CLEC20A: variants seen among roughly 807,000 people sequenced by gnomAD.
CLEC20A encodes the protein C-type lectin domain containing 20A, also known as putative C-type lectin domain family 20 member A.
At chr1:178,490,163 T>A in exon 4 of CLEC20A, 1 of 398,686 alleles carries the variant, frequency 2.5e-6, no homozygotes. Flanking sequence ...CTGTGCACAG[T>A]CCTCTCACCA....
At chr1:178,494,717 G>A in exon 2 of CLEC20A, 1 of 399,274 alleles carries the variant, frequency 2.5e-6, no homozygotes, top group South Asian at 1.3e-4. Flanking sequence ...AGCGAGGTCT[G>A]TGTAGTGCAG....
intron 5 of CLEC20A, chr1:178,486,322 C>A: frequency 2.5e-6 from 1 of 397,812 alleles, no homozygotes; most frequent in African/African-American, 2.1e-5. Context: ...AACTCCCTGG[C>A]CTGCACCCTA....
At chr1:178,496,732 A>T (rs1649403309) in intron 1 of CLEC20A, 168 bp downstream of exon 1, 1 of 397,644 alleles carries the variant, frequency 2.5e-6, no homozygotes, top group African/African-American at 2.1e-5. Context: ...ATGAGGGCGA[A>T]GCTCCCTTCC....
chr1:178,491,088 C>T (rs1263507215), intron 3 of CLEC20A, among the ~76,000 whole-genome samples: 1 of 152,156 alleles, frequency 6.6e-6, no homozygotes, highest in Non-Finnish European at 1.5e-5. Flanking sequence ...CTGGGGAGCC[C>T]AGACAGACTG....
At chr1:178,485,694 C>A (rs1649116532) in intron 5 of CLEC20A, among the ~76,000 whole-genome samples, 1 of 152,178 alleles carries the variant, frequency 6.6e-6, no homozygotes, top group African/African-American at 2.4e-5. Flanking sequence ...ATCTTGGTAT[C>A]CACAGTTCAA....
intron 5 of CLEC20A, among the ~76,000 whole-genome samples, chr1:178,484,913 CCA>C (rs59591455): frequency 0.036 from 5,408 of 152,220 alleles, 328 homozygotes; most frequent in African/African-American, 0.12. Flanking sequence ...TATTCTTTCC[CCA>C]CACACACGTT....
In CLEC20A at chr1:178,488,973, G is replaced by C. The variant is rs139992298; in HGVS notation, c.830-374C>G. The stretch of plus-strand genomic sequence containing the variant: ...CGGGTAAGGGGTTTCTTTGAGGTGG[G>C]GGGGGCGGTGATGAAAATGTCCTAA... On this transcript the variant is annotated intron_variant, in intron 4 of 7. Coordinates refer to ENST00000623247, the Ensembl canonical transcript of CLEC20A. Among the ~76,000 whole-genome samples the C allele has an allele frequency of 7.2e-5, 11 of 152,312 alleles. No individual in the cohort carries two copies. The East Asian group carries it at 1.7e-3, about 24-fold the overall frequency.
intron 1 of CLEC20A, among the ~76,000 whole-genome samples, chr1:178,495,053 C>T (rs1270206659): frequency 6.6e-6 from 1 of 152,242 alleles, no homozygotes; most frequent in Non-Finnish European, 1.5e-5. Flanking sequence ...CTCCCATTCC[C>T]TCATCTCCCC....
chr1:178,480,559 G>A (rs1445782422), intron 7 of CLEC20A: 1 of 152,286 alleles, frequency 6.6e-6, no homozygotes, highest in Non-Finnish European at 1.5e-5. Context: ...AAGGCAGGTG[G>A]ATCACAAGGT....
intron 4 of CLEC20A, 90 bp downstream of exon 4, chr1:178,489,982 C>G (rs1649234730): frequency 7.5e-6 from 3 of 397,880 alleles, no homozygotes; most frequent in Non-Finnish European, 1.3e-5. Context: ...TGGGTCTATC[C>G]TCAATGTCAT....
At chr1:178,498,799 C>T (rs1003231261), upstream of CLEC20A, among the ~76,000 whole-genome samples, 1 of 152,160 alleles carries the variant, frequency 6.6e-6, no homozygotes, top group African/African-American at 2.4e-5. Flanking sequence ...TTTCCTACCC[C>T]CTACCCCTTC....
downstream of CLEC20A, chr1:178,479,240 T>C (rs1335576269): frequency 4.9e-6 from 1 of 204,158 alleles, no homozygotes; most frequent in Non-Finnish European, 9.8e-6. Context: ...GTTTTCAGGA[T>C]TTTTGATGTT....
Position 178,481,965 on chromosome 1 carries a change from T to C in CLEC20A, c.1122+347A>G, listed in dbSNP as rs1572154691. 3 of 194,936 alleles carry C rather than the reference T, an allele frequency of 1.5e-5. No individual in the cohort carries two copies. In the East Asian group the frequency reaches 3.4e-4, roughly 22 times the overall value. 12.1% of individuals were successfully genotyped at this position (194,936 alleles called of 1,614,324 possible). ...TATCATTCTTATTTCAGGAGGAAACTGAGGCTCAGAAAGACTAAGTTACTT... is the reference window on the plus strand; with the variant it reads ...TATCATTCTTATTTCAGGAGGAAACCGAGGCTCAGAAAGACTAAGTTACTT... On this transcript the variant is annotated intron_variant, in intron 7 of 7. Coordinates refer to ENST00000623247, the Ensembl canonical transcript of CLEC20A.
At chr1:178,487,623 C>T (rs901604948) in intron 5 of CLEC20A, among the ~76,000 whole-genome samples, 2 of 152,240 alleles carry the variant, frequency 1.3e-5, no homozygotes, top group African/African-American at 4.8e-5. Context: ...CACGCCTGTG[C>T]CTATACCAAG....
At chr1:178,484,520 TA>T (rs879734978) in intron 5 of CLEC20A, 128 of 146,240 alleles carry the variant, frequency 8.8e-4, no homozygotes, top group Middle Eastern at 3.6e-3. Context: ...ATCCTGTCTT[TA>T]AAAAAAAAAA....
intron 7 of CLEC20A, chr1:178,480,069 A>G (rs1648925398): frequency 6.7e-6 from 1 of 149,788 alleles, no homozygotes; most frequent in Non-Finnish European, 1.5e-5. Context: ...AAGAAACACT[A>G]GTCCAAATCA....
intron 3 of CLEC20A, among the ~76,000 whole-genome samples, chr1:178,492,171 G>A (rs1308954742): frequency 6.6e-6 from 1 of 152,138 alleles, no homozygotes; most frequent in Non-Finnish European, 1.5e-5. Context: ...TGTAGTACCA[G>A]CTACTCAGGA....
At chr1:178,484,328 C>CATT (rs1649079090) in intron 5 of CLEC20A, 1 of 152,136 alleles carries the variant, frequency 6.6e-6, no homozygotes, top group Non-Finnish European at 1.5e-5. Context: ...ACTGTTTTTC[C>CATT]CACATTCTCA....
intron 5 of CLEC20A, chr1:178,484,828 T>A (rs1649094038): frequency 6.6e-6 from 1 of 152,228 alleles, no homozygotes; most frequent in South Asian, 2.1e-4. Context: ...CAATGTAAAA[T>A]CAATTCGCTG....
Sources: allele counts gnomAD v4.1 joint callset (sites outside exome capture counted in the v4.1 genomes callset), GRCh38; gene constraint gnomAD v4.1.1; transcripts MANE v1.5; gene names NCBI Gene and HGNC (gene_info 2026-07-23, HGNC 2026-07-21).